Variants in ACAD10 observed in about 807,000 individuals in gnomAD.
The protein encoded by ACAD10 is acyl-CoA dehydrogenase family member 10.
ACAD10 carries 112 observed loss-of-function variants against 116.8 expected under a neutral mutation model. The ratio of observed to expected loss-of-function variants is 0.96; its 90% confidence interval spans 0.82 to 1.12. The LOEUF (loss-of-function observed/expected upper bound fraction) is 1.12, where lower values mean the gene tolerates loss of function less well. Among genes scored for constraint, ACAD10 ranks in the 50% most tolerant of loss-of-function variants. The pLI is 0.00. For missense variants in ACAD10, 1,259 were observed against 1,350.2 expected (o/e 0.93, Z 1.06); for synonymous variants, 486 against 510.6 (o/e 0.95, Z 0.65).
Position 111,741,484 on chromosome 12 carries a change from T to C in ACAD10, c.1715-3159T>C, listed in dbSNP as rs182208219. ...GCCCTTTGACATGTTTTTAAGATCCTGTGAGCCATCGTTGTGGCTTCTGGT... is the reference window on the plus strand; with the variant it reads ...GCCCTTTGACATGTTTTTAAGATCCCGTGAGCCATCGTTGTGGCTTCTGGT... On this transcript the variant is annotated intron_variant, in intron 12 of 20. Transcript: ENST00000313698. Among the ~76,000 whole-genome samples, 66 of 152,312 alleles carry C rather than the reference T, an allele frequency of 4.3e-4. 1 individual carries two copies. The East Asian group carries it at 8.7e-3, about 20-fold the overall frequency.
At position 111,692,824 on chromosome 12, in the gene ACAD10, G is replaced by GGCA; in HGVS notation, c.119_121dup (p.Ser40dup). On this transcript the variant is annotated inframe_insertion, in exon 2 of 21. Transcript: ENST00000313698. ...GTCCCACCGATGGACACACCTTGGA[G>GGCA]GCAGCACCTACAGAGCGGTGATTTT... 1.2e-6 allele frequency: 2 copies of GGCA among 1,614,222 alleles called. No individual in the cohort carries two copies. The highest frequency in any genetic ancestry group is 1.7e-6 in the Non-Finnish European group (2 of 1,180,050).
intron 8 of ACAD10, among the ~76,000 whole-genome samples, chr12:111,723,576 T>C (rs1401207050): frequency 1.2e-3 from 112 of 94,100 alleles, no homozygotes; most frequent in Middle Eastern, 0.011. Context: ...CCGGACGGGG[T>C]GGCTGGCCGG....
Position 111,712,552 on chromosome 12 carries a change from T to G in ACAD10, c.745T>G (p.Leu249Val). 6.2e-7 allele frequency: 1 copy of G among 1,614,100 alleles called. No homozygotes were observed. ...KELEALLGFT[L>V]RVGVPNTRPV... ...ATTAGAAGCTCTCTTGGGTTTTACA[T>G]TGAGAGTAGGTGTTCCAAACACTCG... The change falls in exon 6 of 21, where the codon TTG (leucine) becomes GTG (valine). Residue 249 changes from leucine to valine, a missense_variant. Transcript: ENST00000313698.
intron 16 of ACAD10, among the ~76,000 whole-genome samples, 160 bp from the exon 17 acceptor site, chr12:111,748,157 T>C (rs981649229): frequency 2.0e-5 from 3 of 152,234 alleles, no homozygotes; most frequent in African/African-American, 7.2e-5. Context: ...TTTGCTCTTA[T>C]TTCTGGTCAG....
intron 8 of ACAD10, among the ~76,000 whole-genome samples, chr12:111,727,571 G>T (rs1433712679): frequency 6.6e-6 from 1 of 152,026 alleles, no homozygotes; most frequent in Non-Finnish European, 1.5e-5. Context: ...TAAAAACCTG[G>T]TTCGGTGTGA....
At chr12:111,686,889 A>G (rs1020648882) in intron 1 of ACAD10, among the ~76,000 whole-genome samples, 7 of 152,312 alleles carry the variant, frequency 4.6e-5, no homozygotes, top group African/African-American at 9.6e-5. Flanking sequence ...TGTCCGTACT[A>G]TGAGGTTGAC....
intron 20 of ACAD10, 135 bp downstream of exon 20, chr12:111,755,880 C>A (rs777248565): frequency 1.1e-6 from 1 of 926,152 alleles, no homozygotes. Flanking sequence ...ATGCAACTTT[C>A]CTTTTCCTCT....
chr12:111,724,209 A>G (rs922403826), intron 8 of ACAD10, among the ~76,000 whole-genome samples: 3 of 146,476 alleles, frequency 2.0e-5, no homozygotes, highest in African/African-American at 7.7e-5. Context: ...GACGCTCCTC[A>G]CTTCCTAGAT....
intron 6 of ACAD10, among the ~76,000 whole-genome samples, chr12:111,714,979 G>C (rs2135960469): frequency 6.6e-6 from 1 of 152,268 alleles, no homozygotes; most frequent in Middle Eastern, 3.4e-3. Flanking sequence ...GCCTCCCAAA[G>C]TGCTGGGATT....
intron 1 of ACAD10, chr12:111,690,514 G>T (rs1216111101): frequency 6.6e-6 from 1 of 151,968 alleles, no homozygotes; most frequent in African/African-American, 2.4e-5. Flanking sequence ...GCTGGGCGCC[G>T]TGACTCACAC....
chr12:111,708,228 A>G (rs548718043), intron 4 of ACAD10, among the ~76,000 whole-genome samples: 2 of 152,254 alleles, frequency 1.3e-5, no homozygotes, highest in Non-Finnish European at 2.9e-5. Context: ...AAGGCTAGAG[A>G]TCTTATCAAA....
intron 20 of ACAD10, 22 bp from the exon 21 acceptor site, chr12:111,756,311 C>G: frequency 1.3e-6 from 2 of 1,572,164 alleles, no homozygotes; most frequent in East Asian, 4.5e-5. Flanking sequence ...AGGGCCGCCT[C>G]CCTCCACTCT....
chr12:111,743,528 G>A (rs1889808820), intron 12 of ACAD10, among the ~76,000 whole-genome samples: 1 of 151,858 alleles, frequency 6.6e-6, no homozygotes, highest in African/African-American at 2.4e-5. Flanking sequence ...GTAGAGACAG[G>A]TTTCACCATG....
chr12:111,719,120 C>CA (rs551878144), intron 7 of ACAD10, among the ~76,000 whole-genome samples: 27 of 139,476 alleles, frequency 1.9e-4, no homozygotes, highest in Admixed American at 3.6e-4. Context: ...GACTCTGTCT[C>CA]AAAAAAAAAA....
chr12:111,708,610 TG>T (rs1233244508), intron 4 of ACAD10, among the ~76,000 whole-genome samples: 1 of 152,064 alleles, frequency 6.6e-6, no homozygotes, highest in African/African-American at 2.4e-5. Context: ...GAGGGGCCAC[TG>T]GGTTTGTCCT....
At chr12:111,687,474 C>G (rs942772071) in intron 1 of ACAD10, among the ~76,000 whole-genome samples, 3 of 152,114 alleles carry the variant, frequency 2.0e-5, no homozygotes, top group African/African-American at 7.2e-5. Flanking sequence ...CCAATAATGT[C>G]TCTGGACCTT....
At chr12:111,754,833 T>C (rs967641425) in intron 19 of ACAD10, among the ~76,000 whole-genome samples, 1 of 152,238 alleles carries the variant, frequency 6.6e-6, no homozygotes, top group African/African-American at 2.4e-5. Flanking sequence ...ATCCCTTCAG[T>C]GTGTGCTGGC....
chr12:111,734,849 C>A (rs1055672958), intron 11 of ACAD10, among the ~76,000 whole-genome samples: 2 of 152,122 alleles, frequency 1.3e-5, no homozygotes, highest in Admixed American at 1.3e-4. Context: ...TCATTGTATA[C>A]TGTAGACATG....
intron 1 of ACAD10, among the ~76,000 whole-genome samples, chr12:111,691,769 GT>G: frequency 6.6e-6 from 1 of 151,508 alleles, no homozygotes; most frequent in Non-Finnish European, 1.5e-5. Context: ...TTATTTTTGT[GT>G]TTTTGAGTAG....
Sources: gnomAD v4.1 joint callset for allele counts (sites outside exome capture counted in the v4.1 genomes callset) on GRCh38, gnomAD v4.1.1 for gene constraint, MANE v1.5 for transcripts, NCBI Gene and HGNC (gene_info 2026-07-23, HGNC 2026-07-21) for gene names.